STAM2: variants seen among roughly 807,000 people sequenced by gnomAD.
STAM2 encodes the protein signal transducing adaptor molecule 2.
In STAM2, 51 loss-of-function variants were observed where a neutral mutation model predicts 65.6. The ratio of observed to expected loss-of-function variants is 0.78; its 90% CI spans 0.62 to 0.98. The LOEUF is 0.98. Ranked by LOEUF, STAM2 falls within the 50% of genes least tolerant of loss-of-function variation. The pLI is 0.00. For missense variants in STAM2, 584 were observed against 617.8 expected, an observed-to-expected ratio of 0.95 and a Z score of 0.58; for synonymous variants, 198 against 208.4, an observed-to-expected ratio of 0.95 and a Z score of 0.43.
chr2:152,165,147 C>T (rs944652983), intron 1 of STAM2, among the ~76,000 whole-genome samples: 3 of 151,880 alleles, frequency 2.0e-5, no homozygotes, highest in East Asian at 1.9e-4. Flanking sequence ...ATGAGTCGGT[C>T]GGGCGCGGTG....
chr2:152,174,557 C>T (rs933384326), intron 1 of STAM2, among the ~76,000 whole-genome samples: 3 of 152,230 alleles, frequency 2.0e-5, no homozygotes, highest in Non-Finnish European at 4.4e-5. Context: ...GCACTTTCTA[C>T]AGTCTCCTAA....
rs1329225733 is a variant in STAM2, at chr2:152,123,931, T to A, written c.1184A>T (p.Tyr395Phe). The change falls in exon 13 of 14, where the codon TAT (tyrosine) becomes TTT (phenylalanine). Residue 395 changes from tyrosine (Y) to phenylalanine (F), a missense_variant. Physicochemically the swap from Tyr to Phe is conservative, Grantham distance 22 (BLOSUM62 3). Transcript: ENST00000263904. ...GTTTCCACCATGTGATTGAACTGGA[T>A]ATGTCTATTAATCAGAAAGAAAAAG... ...PASSGVPMQT[Y>F]PVQSHGGNYM... 6.2e-6 allele frequency: 10 copies of A among 1,613,254 alleles called. No individual in the cohort carries two copies. The highest frequency in any genetic ancestry group is 8.5e-6 in the Non-Finnish European group (10 of 1,179,772).
intron 7 of STAM2, among the ~76,000 whole-genome samples, chr2:152,141,015 T>C (rs953875265): frequency 6.6e-6 from 1 of 151,710 alleles, no homozygotes; most frequent in Admixed American, 6.6e-5. Flanking sequence ...GGTGCACACC[T>C]GAATTCCCAG....
intron 7 of STAM2, among the ~76,000 whole-genome samples, chr2:152,137,295 A>T (rs898901380): frequency 2.0e-5 from 3 of 152,152 alleles, no homozygotes; most frequent in African/African-American, 7.2e-5. Context: ...CTTCCCTTAT[A>T]TGTGATAATT....
chr2:152,157,566 G>A (rs983698213), intron 1 of STAM2, among the ~76,000 whole-genome samples: 7 of 152,202 alleles, frequency 4.6e-5, no homozygotes, highest in African/African-American at 1.7e-4. Flanking sequence ...AACCCAAGGG[G>A]TGAGCTCTAA....
At chr2:152,127,161 C>G (rs781042440) in intron 11 of STAM2, among the ~76,000 whole-genome samples, 120 of 152,282 alleles carry the variant, frequency 7.9e-4, no homozygotes, top group Non-Finnish European at 1.5e-3. Flanking sequence ...CTTTCATTTT[C>G]AATAAAACCC....
rs1012983030 is a variant in STAM2 at position 152,120,259 on chromosome 2, A to T, written c.*315T>A. 3.3e-6 allele frequency: 1 copy of T among 303,592 alleles called. No individual in the cohort carries two copies. The highest frequency in any genetic ancestry group is 6.2e-6 in the Non-Finnish European group (1 of 161,846). The allele number at this position is 303,592 out of a possible 1,614,324, so 18.8% of individuals were successfully genotyped here. A position where few individuals can be genotyped will look rare whatever the true frequency, so the allele number is the denominator to read the frequency against. ...GTGACAGAGCGAGTTTGTCATAAGT[A>T]TCTCATACTGTTTGTCATAAGGCTA... On this transcript the variant is annotated 3_prime_UTR_variant, in exon 14 of 14. Coordinates refer to ENST00000263904, the MANE Select transcript of STAM2 (RefSeq NM_005843.6).
intron 1 of STAM2, among the ~76,000 whole-genome samples, chr2:152,156,255 A>G (rs183721524): frequency 2.0e-4 from 31 of 152,364 alleles, no homozygotes; most frequent in South Asian, 1.0e-3. Flanking sequence ...CTCTACAAAT[A>G]TAAGACTCAC....
intron 13 of STAM2, among the ~76,000 whole-genome samples, chr2:152,123,504 C>A (rs74936354): frequency 0.031 from 4,781 of 152,238 alleles, 134 homozygotes; most frequent in Non-Finnish European, 0.04. Context: ...ACTTCACAGG[C>A]TGATTATAGC....
intron 6 of STAM2, 27 bp downstream of exon 6, chr2:152,144,861 C>G (rs759462818): frequency 6.2e-7 from 1 of 1,604,858 alleles, no homozygotes; most frequent in African/African-American, 1.3e-5. Flanking sequence ...TTAAGCAACA[C>G]TAAATTACAT....
chr2:152,147,664 T>C (rs1689359875), intron 4 of STAM2, among the ~76,000 whole-genome samples: 1 of 152,198 alleles, frequency 6.6e-6, no homozygotes, highest in Non-Finnish European at 1.5e-5. Context: ...GACAAGTTAC[T>C]TCTAAGTCTC....
chr2:152,151,951 G>A (rs1057004610), intron 1 of STAM2, among the ~76,000 whole-genome samples: 2 of 152,026 alleles, frequency 1.3e-5, no homozygotes, highest in Non-Finnish European at 2.9e-5. Context: ...TGGTTGGTTG[G>A]CTTACTGAGA....
intron 11 of STAM2, among the ~76,000 whole-genome samples, chr2:152,130,247 T>TTTTA (rs1421218179): frequency 6.6e-6 from 1 of 151,926 alleles, no homozygotes; most frequent in Non-Finnish European, 1.5e-5. Flanking sequence ...CCTATTTTAT[T>TTTTA]TTTATTTATT....
chr2:152,167,796 G>A (rs1040626819), intron 1 of STAM2, among the ~76,000 whole-genome samples: 5 of 152,092 alleles, frequency 3.3e-5, no homozygotes, highest in African/African-American at 1.2e-4. Context: ...TGTAATCCCA[G>A]CTACTCAGGA....
At chr2:152,131,335 C>T (rs900258354) in intron 11 of STAM2, among the ~76,000 whole-genome samples, 5 of 151,918 alleles carry the variant, frequency 3.3e-5, no homozygotes, top group Non-Finnish European at 7.4e-5. Flanking sequence ...CGCCTGTAAT[C>T]CTAGCTACTC....
Position 152,120,242 on chromosome 2 carries a change from G to C in STAM2, c.*332C>G, listed in dbSNP as rs1688825084. 1 of 187,122 alleles carries C rather than the reference G, an allele frequency of 5.3e-6. No individual in the cohort carries two copies. The highest frequency in any genetic ancestry group is 1.8e-4 in the East Asian group (1 of 5,424). The allele number at this position is 187,122 out of a possible 1,614,324, so 11.6% of individuals were successfully genotyped here. A position where few individuals can be genotyped will look rare whatever the true frequency, so the allele number is the denominator to read the frequency against. On this transcript the variant is annotated 3_prime_UTR_variant, in exon 14 of 14. Transcript: ENST00000263904. ...ACTGCACTCCAGCCTGGGTGACAGAGCGAGTTTGTCATAAGTATCTCATAC... is the reference window on the plus strand; with the variant it reads ...ACTGCACTCCAGCCTGGGTGACAGACCGAGTTTGTCATAAGTATCTCATAC...
At chr2:152,133,550 A>C in intron 8 of STAM2, 66 bp from the exon 9 acceptor site, 1 of 1,256,940 alleles carries the variant, frequency 8.0e-7, no homozygotes, top group South Asian at 1.3e-5. Flanking sequence ...ATTAATTTAT[A>C]AGTGGCCTAT....
At chr2:152,147,450 G>T in intron 4 of STAM2, 142 bp from the exon 5 acceptor site, 1 of 763,704 alleles carries the variant, frequency 1.3e-6, no homozygotes, top group Non-Finnish European at 2.0e-6. Flanking sequence ...TAGCCTAGTT[G>T]AGTAATTGAT....
chr2:152,123,222 A>T (rs1248982530), intron 13 of STAM2, among the ~76,000 whole-genome samples: 3 of 152,060 alleles, frequency 2.0e-5, no homozygotes, highest in Non-Finnish European at 2.9e-5. Context: ...ATACAAAAAA[A>T]TTAGCTGGGC....
Sources: allele counts gnomAD v4.1 joint callset (sites outside exome capture counted in the v4.1 genomes callset), GRCh38; gene constraint gnomAD v4.1.1; transcripts MANE v1.5; gene names NCBI Gene and HGNC (gene_info 2026-07-23, HGNC 2026-07-21).